The following CGNL1 variants were observed in gnomAD, a reference collection of about 807,000 sequenced individuals.
CGNL1 encodes cingulin-like protein 1.
In CGNL1, 132 loss-of-function variants were observed where a neutral mutation model predicts 141.2. The ratio of observed to expected loss-of-function variants is 0.93; its 90% CI spans 0.81 to 1.08. The LOEUF (loss-of-function observed/expected upper bound fraction) is 1.08, where lower values mean the gene tolerates loss of function less well. Ranked by LOEUF, CGNL1 falls within the 50% of genes least tolerant of loss-of-function variation. The pLI is 0.00. For missense variants in CGNL1, 1,870 were observed against 1,588.6 expected, an observed-to-expected ratio of 1.18 and a Z score of -3.01; for synonymous variants, 690 against 622.1, an observed-to-expected ratio of 1.11 and a Z score of -1.63.
At chr15:57,472,848 T>G (rs1290390330) in intron 8 of CGNL1, among the ~76,000 whole-genome samples, 1 of 152,026 alleles carries the variant, frequency 6.6e-6, no homozygotes, top group African/African-American at 2.4e-5. Flanking sequence ...AGGAGGAAAG[T>G]TTTTATTTGT....
rs374939459 is a variant in CGNL1, at chr15:57,443,541, G to A, written c.1803+1063G>A. On this transcript the variant is annotated intron_variant, in intron 4 of 18. Coordinates refer to ENST00000281282, the MANE Select transcript of CGNL1 (RefSeq NM_032866.5). ...GTACATACAGGGGATAATTTTAGGC[G>A]TCAACCTACCATCTTTACTACTTGT... is the stretch of plus-strand genomic sequence containing the variant. Among the ~76,000 whole-genome samples, 42 of 152,248 alleles carry A rather than the reference G, an allele frequency of 2.8e-4. No homozygotes were observed. The South Asian group carries it at 3.3e-3, about 12-fold the overall frequency.
At chr15:57,405,208 G>A (rs13380261) in intron 1 of CGNL1, 58,729 of 151,992 alleles carry the variant, frequency 0.39, 11,592 homozygotes, top group East Asian at 0.58. Flanking sequence ...AAGGTGCTGC[G>A]TCCACATTAG....
At position 57,424,704 on chromosome 15, in the gene CGNL1, G is replaced by A. The variant is rs140442111; in HGVS notation, c.-15-13281G>A. ...CATAAACGATGCCCTTACACCCCAT[G>A]AAGACCCAACAGTTTTATGGCAAAC... On this transcript the variant is annotated intron_variant, in intron 1 of 18. Transcript: ENST00000281282. Among the ~76,000 whole-genome samples the A allele has an allele frequency of 1.1e-4, 16 of 152,266 alleles. No individual in the cohort carries two copies. The East Asian group carries it at 3.1e-3, about 29-fold the overall frequency.
intron 1 of CGNL1, among the ~76,000 whole-genome samples, chr15:57,429,465 G>T (rs767036849): frequency 2.0e-5 from 3 of 152,210 alleles, no homozygotes; most frequent in Non-Finnish European, 2.9e-5. Flanking sequence ...ACCCTTTATT[G>T]ATATAATTTG....
intron 7 of CGNL1, among the ~76,000 whole-genome samples, 179 bp downstream of exon 7, chr15:57,453,997 A>G (rs1382409104): frequency 6.6e-6 from 1 of 152,138 alleles, no homozygotes; most frequent in Admixed American, 6.5e-5. Context: ...GGCATTTGCT[A>G]ATTATTATGG....
intron 1 of CGNL1, among the ~76,000 whole-genome samples, chr15:57,395,470 T>G (rs1453555074): frequency 1.3e-5 from 2 of 152,242 alleles, no homozygotes; most frequent in Non-Finnish European, 2.9e-5. Context: ...ATGCTGTGAT[T>G]CGCGTTATGC....
At chr15:57,394,659 A>G (rs1385039814) in intron 1 of CGNL1, among the ~76,000 whole-genome samples, 2 of 152,208 alleles carry the variant, frequency 1.3e-5, no homozygotes, top group African/African-American at 2.4e-5. Context: ...CAAATGACCT[A>G]TTGTAATCTC....
At chr15:57,508,700 ATC>A (rs1245079262) in intron 8 of CGNL1, among the ~76,000 whole-genome samples, 7 of 152,212 alleles carry the variant, frequency 4.6e-5, no homozygotes, top group African/African-American at 1.4e-4. Flanking sequence ...CTCAGCTCAA[ATC>A]TCTGCAGAAA....
At chr15:57,505,938 T>C (rs1194442224) in intron 8 of CGNL1, among the ~76,000 whole-genome samples, 3 of 152,310 alleles carry the variant, frequency 2.0e-5, no homozygotes, top group Non-Finnish European at 2.9e-5. Context: ...AATGGGAAAG[T>C]TGAAGGATCC....
chr15:57,494,048 A>G (rs10518923), intron 8 of CGNL1, among the ~76,000 whole-genome samples: 2 of 152,254 alleles, frequency 1.3e-5, no homozygotes, highest in East Asian at 3.9e-4. Flanking sequence ...AATAAGTGCT[A>G]AGAGAGAGAT....
intron 1 of CGNL1, among the ~76,000 whole-genome samples, chr15:57,401,785 A>G (rs1317392142): frequency 1.3e-5 from 2 of 152,180 alleles, no homozygotes; most frequent in Non-Finnish European, 2.9e-5. Flanking sequence ...CCTCTTCTTC[A>G]GTAACCAAAA....
chr15:57,525,357 G>A lies in CGNL1; in HGVS notation c.3039+606G>A, dbSNP rs192166762. Among the ~76,000 whole-genome samples, 189 of 152,348 alleles carry A rather than the reference G, an allele frequency of 1.2e-3. 1 individual carries two copies. The highest frequency in any genetic ancestry group is 3.9e-3 in the Admixed American group (59 of 15,308). ...TGAGAAAAAGAAAGGGGATGTTTTTGATTGTTTTAATGGAAAGCCGGAGGC... is the reference window on the plus strand; with the variant it reads ...TGAGAAAAAGAAAGGGGATGTTTTTAATTGTTTTAATGGAAAGCCGGAGGC... On this transcript the variant is annotated intron_variant, in intron 12 of 18. Coordinates refer to ENST00000281282, the MANE Select transcript of CGNL1 (RefSeq NM_032866.5).
At chr15:57,528,618 A>T in intron 12 of CGNL1, 36 bp from the exon 13 acceptor site, 1 of 1,610,404 alleles carries the variant, frequency 6.2e-7, no homozygotes, top group Non-Finnish European at 8.5e-7. Flanking sequence ...CTCTTGATGC[A>T]CCCCAGAAAA....
At chr15:57,412,310 C>G (rs2062798338) in intron 1 of CGNL1, among the ~76,000 whole-genome samples, 1 of 152,198 alleles carries the variant, frequency 6.6e-6, no homozygotes, top group African/African-American at 2.4e-5. Flanking sequence ...CTTTTCTGTA[C>G]AGATAAAACG....
intron 1 of CGNL1, among the ~76,000 whole-genome samples, chr15:57,377,590 A>G (rs928976400): frequency 2.0e-5 from 3 of 152,094 alleles, no homozygotes; most frequent in African/African-American, 7.2e-5. Flanking sequence ...CCACCTCTCC[A>G]CCTGAAGAAC....
chr15:57,389,255 C>G (rs927058646), intron 1 of CGNL1, among the ~76,000 whole-genome samples: 2 of 151,986 alleles, frequency 1.3e-5, no homozygotes, highest in Non-Finnish European at 2.9e-5. Context: ...GATTCAAGTT[C>G]CACTCCAGCC....
chr15:57,458,717 A>T (rs951244571), intron 7 of CGNL1, among the ~76,000 whole-genome samples: 1 of 152,180 alleles, frequency 6.6e-6, no homozygotes. Context: ...ACAGTAATTC[A>T]GGAGAGACTC....
rs1280395 is a variant in CGNL1 at position 57,439,137 on chromosome 15, A to C, written c.1138A>C (p.Thr380Pro). ...GTCTGGGAAGCGAAACAGAATTAAT[A>C]CAGATGACAGGAAAAGATCCAGAAG... Reference protein sequence around the residue: ...GRSGKRNRINTDDRKRSRSVD... With the variant: ...GRSGKRNRINPDDRKRSRSVD... The change falls in exon 2 of 19, where the codon ACA becomes CCA. Residue 380 changes from threonine (T) to proline (P), a missense_variant. Thr to Pro is a conservative substitution (Grantham distance 38, BLOSUM62 -1). Transcript: ENST00000281282. 1 allele frequency: 1,613,039 copies of C among 1,614,200 alleles called. 805,947 individuals are homozygous for C. The highest frequency in any genetic ancestry group is 1 in the East Asian group (44,868 of 44,868).
Position 57,475,008 on chromosome 15 carries a change from G to C in CGNL1, c.2403+13116G>C, listed in dbSNP as rs570239374. On this transcript the variant is annotated intron_variant, in intron 8 of 18. Transcript: ENST00000281282. ...TGACCTTGACCTTCACCTTCTGTCT[G>C]CTACCCAGGTCTGTGGCTTCCACAT... 9.2e-5 allele frequency among the ~76,000 whole-genome samples: 14 copies of C among 152,326 alleles called. No individual in the cohort carries two copies. The East Asian group carries it at 2.5e-3, about 27-fold the overall frequency.
Sources: gnomAD v4.1 joint callset for allele counts (sites outside exome capture counted in the v4.1 genomes callset) on GRCh38, gnomAD v4.1.1 for gene constraint, MANE v1.5 for transcripts, NCBI Gene and HGNC (gene_info 2026-07-23, HGNC 2026-07-21) for gene names.